RBM48: variants seen among roughly 807,000 people sequenced by gnomAD.
RBM48 encodes RNA-binding protein 48.
A neutral mutation model predicts 34.8 loss-of-function variants in RBM48; 32 were observed. The observed-to-expected ratio is 0.92, with a 90% confidence interval of 0.69 to 1.23. RBM48 has a LOEUF of 1.23. Ranked by LOEUF, RBM48 falls within the 50% of genes most tolerant of loss-of-function variation. The pLI is 0.00. For synonymous variants in RBM48, 151 were observed against 156.2 expected, an observed-to-expected ratio of 0.97 and a Z score of 0.25; for missense variants, 441 against 447.2, an observed-to-expected ratio of 0.99 and a Z score of 0.12.
rs774600050 is a variant in RBM48, at chr7:92,529,491, T to G, written c.127T>G (p.Leu43Val). Residue 43 changes from leucine to valine, a missense_variant, in exon 2 of 5, where the codon TTG (leucine) becomes GTG (valine). By Grantham distance (32) the Leu-to-Val change is conservative. Coordinates refer to ENST00000265732, the MANE Select transcript of RBM48 (RefSeq NM_032120.4). ...TTTCTTTCAGGTATATACAATCAAT[T>G]TGGAATCTCAGTACTTATTAATACA... is the stretch of plus-strand genomic sequence containing the variant. ...PRAVKVYTIN[L>V]ESQYLLIQGV... 7.5e-6 allele frequency: 12 copies of G among 1,599,994 alleles called. No individual in the cohort carries two copies. In the Admixed American group the frequency reaches 1.9e-4, roughly 25 times the overall value.
At position 92,536,957 on chromosome 7, in the gene RBM48, T is replaced by A; in HGVS notation, c.*20T>A. ...ATATAGAGTGCCAGCAGCAACTTAGTATTTTCTAAAAAGAACATTTATTAT... is the reference window on the plus strand; with the variant it reads ...ATATAGAGTGCCAGCAGCAACTTAGAATTTTCTAAAAAGAACATTTATTAT... On this transcript the variant is annotated 3_prime_UTR_variant, in exon 5 of 5. Transcript: ENST00000265732. The A allele has an allele frequency of 6.6e-7, 1 of 1,507,384 alleles. No individual in the cohort carries two copies. The highest frequency in any genetic ancestry group is 2.3e-5 in the East Asian group (1 of 42,828). 93.4% of individuals were successfully genotyped at this position (1,507,384 alleles called of 1,614,324 possible). A position where few individuals can be genotyped will look rare whatever the true frequency, so the allele number is the denominator to read the frequency against.
rs1431330576 is a variant in RBM48, at chr7:92,537,715, C to T, written c.*778C>T. The stretch of plus-strand genomic sequence containing the variant: ...CTTGACCTGTGGCAATCCAAAAATA[C>T]ATCAGTATTTATAAATTCTAGACTT... On this transcript the variant is annotated 3_prime_UTR_variant, in exon 5 of 5. Transcript: ENST00000265732. 1 of 152,234 alleles carries T rather than the reference C, an allele frequency of 6.6e-6. No individual in the cohort carries two copies. The highest frequency in any genetic ancestry group is 1.9e-4 in the East Asian group (1 of 5,208). The allele number at this position is 152,234 out of a possible 1,614,324, so 9.4% of individuals were successfully genotyped here. A position where few individuals can be genotyped will look rare whatever the true frequency, so the allele number is the denominator to read the frequency against.
intron 2 of RBM48, 130 bp downstream of exon 2, chr7:92,529,796 C>G (rs546543850): frequency 5.1e-6 from 3 of 586,592 alleles, no homozygotes; most frequent in Admixed American, 3.2e-5. Flanking sequence ...CTTCCTCCAG[C>G]CTTTTTAAAA....
rs540149295 is a variant in RBM48 at position 92,534,338 on chromosome 7, AATG to A, written c.449-59_449-57del. 1.4e-4 allele frequency: 209 copies of A among 1,514,086 alleles called. 5 individuals are homozygous for A. The South Asian group carries it at 2.5e-3, about 18-fold the overall frequency. The allele number at this position is 1,514,086 out of a possible 1,614,324, so 93.8% of individuals were successfully genotyped here. A position where few individuals can be genotyped will look rare whatever the true frequency, so the allele number is the denominator to read the frequency against. On this transcript the variant is annotated intron_variant, in intron 3 of 4. Coordinates refer to ENST00000265732, the MANE Select transcript of RBM48 (RefSeq NM_032120.4). Reference sequence around the variant, plus strand: ...GATTTTTTTAAATTATATGATTCTGAATGATGAAAACAATAAACCACTTCTGTT... The same window carrying A: ...GATTTTTTTAAATTATATGATTCTGAATGAAAACAATAAACCACTTCTGTT...
At chr7:92,529,795 G>T in intron 2 of RBM48, 129 bp downstream of exon 2, 1 of 585,846 alleles carries the variant, frequency 1.7e-6, no homozygotes, top group Non-Finnish European at 3.0e-6. Flanking sequence ...TCTTCCTCCA[G>T]CCTTTTTAAA....
rs761142260 is a variant in RBM48 at position 92,538,296 on chromosome 7, C to T, written c.*1359C>T. On this transcript the variant is annotated 3_prime_UTR_variant, in exon 5 of 5. Transcript: ENST00000265732. Reference sequence around the variant, plus strand: ...GTCTGCGTGAAAGGGTTGTGATAGACGGAGCAAGTGATCTATAGGCAACAC... The same window carrying T: ...GTCTGCGTGAAAGGGTTGTGATAGATGGAGCAAGTGATCTATAGGCAACAC... 1.3e-5 allele frequency among the ~76,000 whole-genome samples: 2 copies of T among 152,142 alleles called. No individual in the cohort carries two copies. The highest frequency in any genetic ancestry group is 2.9e-5 in the Non-Finnish European group (2 of 68,028).
In RBM48 at chr7:92,534,813, G is replaced by C. The variant is rs1431260667; in HGVS notation, c.860G>C (p.Arg287Thr). 1 of 1,614,192 alleles carries C rather than the reference G, an allele frequency of 6.2e-7. No homozygotes were observed. ...RTTQLQERKR[R>T]REDDRKLGTF... ...ACACAACTGCAGGAGCGCAAAAGAA[G>C]AAGAGAAGATGATCGTAAACTTGGA... The change falls in exon 4 of 5, where the codon AGA becomes ACA. Residue 287 changes from arginine (R) to threonine (T), a missense_variant. By Grantham distance (71) the Arg-to-Thr change is moderately conservative. Coordinates refer to ENST00000265732, the MANE Select transcript of RBM48 (RefSeq NM_032120.4).
chr7:92,529,431 A>T, intron 1 of RBM48, 45 bp from the exon 2 acceptor site: 3 of 1,204,310 alleles, frequency 2.5e-6, no homozygotes, highest in Non-Finnish European at 3.6e-6. Context: ...GATTCGTCCT[A>T]GGCTTATTTG....
In RBM48 at chr7:92,540,224, A is replaced by C. The variant is rs534938277; in HGVS notation, c.*3287A>C. On this transcript the variant is annotated 3_prime_UTR_variant, in exon 5 of 5. Coordinates refer to ENST00000265732, the MANE Select transcript of RBM48 (RefSeq NM_032120.4). ...AAGTATTACTCTCTGACCCTTTAAA[A>C]TTTTTCCTGAATCTATATGGGCTAT... 6.6e-6 allele frequency: 1 copy of C among 152,184 alleles called. No homozygotes were observed. The highest frequency in any genetic ancestry group is 1.5e-5 in the Non-Finnish European group (1 of 68,000). 9.4% of individuals were successfully genotyped at this position (152,184 alleles called of 1,614,324 possible).
chr7:92,535,204 A>T, intron 4 of RBM48: 1 of 1,396,120 alleles, frequency 7.2e-7, no homozygotes, highest in Non-Finnish European at 9.3e-7. Flanking sequence ...TAGATACAAA[A>T]TATTAAAGCA....
At chr7:92,535,200 CA>C in intron 4 of RBM48, 1 of 1,400,722 alleles carries the variant, frequency 7.1e-7, no homozygotes, top group Non-Finnish European at 9.2e-7. Flanking sequence ...ACTGTAGATA[CA>C]AAATATTAAA....
chr7:92,539,041 G>A lies in RBM48; in HGVS notation c.*2104G>A, dbSNP rs965076651. Among the ~76,000 whole-genome samples the A allele has an allele frequency of 9.2e-5, 14 of 152,300 alleles. No homozygotes were observed. Among genetic ancestry groups the A allele is most frequent in the African/African-American group, 3.4e-4 (14 of 41,564 alleles). On this transcript the variant is annotated 3_prime_UTR_variant, in exon 5 of 5. Coordinates refer to ENST00000265732, the MANE Select transcript of RBM48 (RefSeq NM_032120.4). The stretch of plus-strand genomic sequence containing the variant: ...TTCAAATTAAGTTGGTTTGGGTGGG[G>A]CCTGAGATTCTGCATTTTTCCCAAG...
rs1166445187 is a variant in RBM48, at chr7:92,538,852, TAAG to T, written c.*1916_*1918del. On this transcript the variant is annotated 3_prime_UTR_variant, in exon 5 of 5. Coordinates refer to ENST00000265732, the MANE Select transcript of RBM48 (RefSeq NM_032120.4). ...TGCATGACAAACGTTACCTGACAGT[TAAG>T]GAGAGGAGCTGCTAAATGGGTCGTG... Among the ~76,000 whole-genome samples the T allele has an allele frequency of 5.9e-5, 9 of 152,144 alleles. No homozygotes were observed. The highest frequency in any genetic ancestry group is 2.2e-4 in the African/African-American group (9 of 41,416).
At position 92,534,523 on chromosome 7, in the gene RBM48, C is replaced by T; in HGVS notation, c.570C>T (p.Asn190=). ...CKAALNTSAG[N]SNPYLPYSCE... is the part of the protein sequence containing the mutation. ...CTGCTTTGAACACTTCTGCAGGGAA[C>T]TCAAATCCTTATCTTCCGTATTCCT... Residue 190 remains asparagine, a synonymous_variant, in exon 4 of 5, where the codon AAC becomes AAT. Transcript: ENST00000265732. 6.2e-7 allele frequency: 1 copy of T among 1,614,132 alleles called. No homozygotes were observed. Among genetic ancestry groups the T allele is most frequent in the Non-Finnish European group, 8.5e-7 (1 of 1,180,020 alleles).
rs1351220572 is a variant in RBM48 at position 92,538,119 on chromosome 7, C to G, written c.*1182C>G. 6.6e-6 allele frequency: 1 copy of G among 152,182 alleles called. No homozygotes were observed. The highest frequency in any genetic ancestry group is 2.4e-5 in the African/African-American group (1 of 41,440). 9.4% of individuals were successfully genotyped at this position (152,182 alleles called of 1,614,324 possible). ...AATTTCAGCTATGATGTACTTGTAG[C>G]AGGACGAGCTGCAGACAAAACCCCG... On this transcript the variant is annotated 3_prime_UTR_variant, in exon 5 of 5. Coordinates refer to ENST00000265732, the MANE Select transcript of RBM48 (RefSeq NM_032120.4).
intron 3 of RBM48, chr7:92,534,181 C>A: frequency 1.7e-6 from 1 of 593,674 alleles, no homozygotes; most frequent in South Asian, 1.9e-5. Flanking sequence ...AAACCAGACC[C>A]ATGGAGAGCA....
In RBM48 at chr7:92,540,020, C is replaced by G. The variant is rs995186660; in HGVS notation, c.*3083C>G. Among the ~76,000 whole-genome samples, 1 of 152,200 alleles carries G rather than the reference C, an allele frequency of 6.6e-6. No individual in the cohort carries two copies. Among genetic ancestry groups the G allele is most frequent in the Non-Finnish European group, 1.5e-5 (1 of 68,030 alleles). On this transcript the variant is annotated 3_prime_UTR_variant, in exon 5 of 5. Coordinates refer to ENST00000265732, the MANE Select transcript of RBM48 (RefSeq NM_032120.4). ...TGGTTTGGGAAATACACCATACTTA[C>G]AGGAAACAGGAATTGTCTATTGCTA...
rs1375843595 is a variant in RBM48 at position 92,539,144 on chromosome 7, AACT to A, written c.*2208_*2210del. ...GCTCTAGATAACTGGGCTACAGATG[AACT>A]CTGGAAGCAGCTGAAGAACGGTTGG... On this transcript the variant is annotated 3_prime_UTR_variant, in exon 5 of 5. Transcript: ENST00000265732. Among the ~76,000 whole-genome samples the A allele has an allele frequency of 1.3e-5, 2 of 152,206 alleles. No homozygotes were observed. Among genetic ancestry groups the A allele is most frequent in the Non-Finnish European group, 2.9e-5 (2 of 68,044 alleles).
rs913964778 is a variant in RBM48 at position 92,534,719 on chromosome 7, G to C, written c.766G>C (p.Val256Leu). ...KTQINSLKNS[V>L]ACPGAQKAIT... ...ACAGATAAACTCTTTGAAAAACTCA[G>C]TGGCCTGCCCTGGTGCACAAAAGGC... The change falls in exon 4 of 5, where the codon GTG becomes CTG. Residue 256 changes from valine (V) to leucine (L), a missense_variant. Transcript: ENST00000265732. 1 of 1,614,054 alleles carries C rather than the reference G, an allele frequency of 6.2e-7. No homozygotes were observed. Among genetic ancestry groups the C allele is most frequent in the Non-Finnish European group, 8.5e-7 (1 of 1,180,040 alleles).
Sources: gnomAD v4.1 joint callset for allele counts (sites outside exome capture counted in the v4.1 genomes callset) on GRCh38, gnomAD v4.1.1 for gene constraint, MANE v1.5 for transcripts, NCBI Gene and HGNC (gene_info 2026-07-23, HGNC 2026-07-21) for gene names.